The following NMU variants were observed in gnomAD, a reference collection of about 807,000 sequenced individuals.
NMU encodes neuromedin-U.
In NMU, 29 loss-of-function variants were observed where a neutral mutation model predicts 35.4. The ratio of observed to expected loss-of-function variants is 0.82; its 90% CI spans 0.61 to 1.12. The LOEUF (loss-of-function observed/expected upper bound fraction) is 1.12, where lower values mean the gene tolerates loss of function less well. NMU is among the 50% of genes most tolerant of loss of function. NMU has a pLI of 0.00. For synonymous variants in NMU, 78 were observed against 81.3 expected (o/e 0.96, Z 0.22); for missense variants, 199 against 206.2 (o/e 0.97, Z 0.21).
At chr4:55,603,239 T>C (rs1032975867) in intron 7 of NMU, among the ~76,000 whole-genome samples, 1 of 152,066 alleles carries the variant, frequency 6.6e-6, no homozygotes, top group South Asian at 2.1e-4. Context: ...CTCAAACTCC[T>C]GACCTCAGGT....
At chr4:55,614,352 CA>C (rs1252495916) in intron 3 of NMU, among the ~76,000 whole-genome samples, 2 of 149,534 alleles carry the variant, frequency 1.3e-5, no homozygotes, top group East Asian at 2.0e-4. Context: ...ATGAATGGGC[CA>C]AAAAAAAGGG....
chr4:55,607,618 G>A (rs1486982900), intron 4 of NMU, 152 bp from the exon 5 acceptor site: 5 of 331,378 alleles, frequency 1.5e-5, no homozygotes, highest in Non-Finnish European at 2.2e-5. Context: ...TTAAGCATCC[G>A]TTGCTCTAAA....
intron 7 of NMU, among the ~76,000 whole-genome samples, chr4:55,603,386 G>T (rs1278966190): frequency 6.6e-6 from 1 of 151,506 alleles, no homozygotes; most frequent in Non-Finnish European, 1.5e-5. Context: ...AACTATAAAG[G>T]GTACAGCATA....
intron 2 of NMU, among the ~76,000 whole-genome samples, chr4:55,629,649 C>T (rs73236167): frequency 0.05 from 7,336 of 148,140 alleles, 226 homozygotes; most frequent in Non-Finnish European, 0.076. Flanking sequence ...AATTCCTGGG[C>T]GGAAGTAATC....
chr4:55,603,275 G>T (rs1733500961), intron 7 of NMU, among the ~76,000 whole-genome samples: 1 of 152,086 alleles, frequency 6.6e-6, no homozygotes, highest in African/African-American at 2.4e-5. Flanking sequence ...GGCTCCCAAA[G>T]TGCTGGGATT....
chr4:55,606,679 T>TTA (rs1252500106), intron 6 of NMU, among the ~76,000 whole-genome samples: 1 of 147,990 alleles, frequency 6.8e-6, no homozygotes, highest in Admixed American at 6.7e-5. Flanking sequence ...TTTCTTTCTT[T>TTA]TCTTTTTTTT....
At chr4:55,625,169 T>TAAAAAAAAAAAAAAA (rs760890031) in intron 2 of NMU, among the ~76,000 whole-genome samples, 5 of 98,338 alleles carry the variant, frequency 5.1e-5, no homozygotes, top group Non-Finnish European at 7.6e-5. Flanking sequence ...AAAGTATAAT[T>TAAAAAAAAAAAAAAA]AAAAAAAAAA....
rs376181272 is a variant in NMU at position 55,608,161 on chromosome 4, C to T, written c.280-695G>A. Among the ~76,000 whole-genome samples the T allele has an allele frequency of 5.8e-4, 66 of 113,594 alleles. 1 individual carries two copies. In the South Asian group the frequency reaches 0.016, roughly 28 times the overall value. The allele number at this position is 113,594 out of a possible 152,430, so 74.5% of individuals were successfully genotyped here. On this transcript the variant is annotated intron_variant, in intron 4 of 9. Transcript: ENST00000264218. Reference sequence around the variant, plus strand: ...CTGTACTCCAGCCTGGGCGACAGAGCGAGACTCCATCTCAAAAAAAAAAAA... The same window carrying T: ...CTGTACTCCAGCCTGGGCGACAGAGTGAGACTCCATCTCAAAAAAAAAAAA...
chr4:55,628,199 C>T (rs1307289127), intron 2 of NMU, among the ~76,000 whole-genome samples: 1 of 152,182 alleles, frequency 6.6e-6, no homozygotes, highest in Non-Finnish European at 1.5e-5. Flanking sequence ...ATCCACAAGC[C>T]ATACAATTCA....
chr4:55,599,254 T>A, intron 8 of NMU, 73 bp from the exon 9 acceptor site: 2 of 1,177,350 alleles, frequency 1.7e-6, no homozygotes, highest in Admixed American at 3.4e-5. Context: ...AACAGATTGA[T>A]GATTTAGAGG....
At chr4:55,629,201 T>C (rs77509238) in intron 2 of NMU, among the ~76,000 whole-genome samples, 1,534 of 152,344 alleles carry the variant, frequency 0.01, 23 homozygotes, top group African/African-American at 0.035. Flanking sequence ...ATTCTGTTTT[T>C]CAGATGCTCC....
rs959840984 is a variant in NMU at position 55,595,273 on chromosome 4, A to T, written c.*143T>A. 6.6e-6 allele frequency: 1 copy of T among 152,578 alleles called. No individual in the cohort carries two copies. Among genetic ancestry groups the T allele is most frequent in the Non-Finnish European group, 1.5e-5 (1 of 68,028 alleles). 9.5% of individuals were successfully genotyped at this position (152,578 alleles called of 1,614,324 possible). On this transcript the variant is annotated 3_prime_UTR_variant, in exon 10 of 10. Coordinates refer to ENST00000264218, the MANE Select transcript of NMU (RefSeq NM_006681.4). ...ATTTTCAACAAATTGAACATTTACA[A>T]CATTGTTACAACTGAGAACATTGAC...
chr4:55,614,017 T>C (rs529494234), intron 3 of NMU, among the ~76,000 whole-genome samples: 15 of 152,342 alleles, frequency 9.8e-5, no homozygotes, highest in Non-Finnish European at 1.8e-4. Flanking sequence ...ATACAGTTAC[T>C]ATACATAAGC....
Position 55,600,463 on chromosome 4 carries a change from G to A in NMU, c.489+59C>T, listed in dbSNP as rs146750164. 7.5e-5 allele frequency: 82 copies of A among 1,087,344 alleles called. No individual in the cohort carries two copies. The African/African-American group carries it at 1.1e-3, about 15-fold the overall frequency. 67.4% of individuals were successfully genotyped at this position (1,087,344 alleles called of 1,614,324 possible). ...TGAAATGTAAAAGTTAAATACACAG[G>A]GAACATATTTTTAAATTTTGGTGTA... On this transcript the variant is annotated intron_variant, in intron 8 of 9. Coordinates refer to ENST00000264218, the MANE Select transcript of NMU (RefSeq NM_006681.4).
chr4:55,609,172 T>C lies in NMU; in HGVS notation c.227A>G (p.Asn76Ser), dbSNP rs1414798080. ...CATAAAGCAAAGCTCCTCCAGTGCG[T>C]TGGATGCCTAACAGAAATGAGAAGA... ...LSIDSQPQASNALEELCFMIM... is the reference protein window; with the variant it reads ...LSIDSQPQASSALEELCFMIM... Residue 76 changes from asparagine to serine, a missense_variant, in exon 4 of 10, where the codon AAC becomes AGC. Transcript: ENST00000264218. 3.1e-6 allele frequency: 5 copies of C among 1,610,376 alleles called. No homozygotes were observed. The highest frequency in any genetic ancestry group is 2.7e-5 in the African/African-American group (2 of 74,882).
In NMU at chr4:55,612,332, C is replaced by T. The variant is rs1021681269; in HGVS notation, c.220-3153G>A. On this transcript the variant is annotated intron_variant, in intron 3 of 9. Transcript: ENST00000264218. ...GGAGGATTGCTTGAGCCCAGGAGTTCGTAGCTGTGGCGAGCTATAATTGTA... is the reference window on the plus strand; with the variant it reads ...GGAGGATTGCTTGAGCCCAGGAGTTTGTAGCTGTGGCGAGCTATAATTGTA... Among the ~76,000 whole-genome samples the T allele has an allele frequency of 3.9e-5, 6 of 152,198 alleles. No individual in the cohort carries two copies. In the East Asian group the frequency reaches 5.8e-4, roughly 15 times the overall value.
intron 2 of NMU, among the ~76,000 whole-genome samples, chr4:55,628,695 G>A (rs1054192667): frequency 6.6e-6 from 1 of 151,936 alleles, no homozygotes; most frequent in African/African-American, 2.4e-5. Flanking sequence ...TTACTATGTT[G>A]GCCGGGCTGG....
At chr4:55,617,538 C>G (rs897258894) in intron 2 of NMU, among the ~76,000 whole-genome samples, 2 of 152,020 alleles carry the variant, frequency 1.3e-5, no homozygotes, top group African/African-American at 4.8e-5. Flanking sequence ...CACACACACA[C>G]TGAGGGTAGG....
At chr4:55,600,708 A>C in intron 7 of NMU, 133 bp from the exon 8 acceptor site, 1 of 668,426 alleles carries the variant, frequency 1.5e-6, no homozygotes, top group Non-Finnish European at 2.7e-6. Flanking sequence ...AGGGACTTGA[A>C]TAGAGAATTT....
Sources: gnomAD v4.1 joint callset for allele counts (sites outside exome capture counted in the v4.1 genomes callset) on GRCh38, gnomAD v4.1.1 for gene constraint, MANE v1.5 for transcripts, NCBI Gene and HGNC (gene_info 2026-07-23, HGNC 2026-07-21) for gene names.